CSMD1: variants seen among roughly 807,000 people sequenced by gnomAD.
CSMD1 encodes the protein CUB and sushi domain-containing protein 1.
A neutral mutation model predicts 417.5 loss-of-function variants in CSMD1; 213 were observed. The observed-to-expected ratio is 0.51, with a 90% CI of 0.46 to 0.57. CSMD1 has a LOEUF of 0.57. Ranked by LOEUF, CSMD1 falls within the 20% of genes least tolerant of loss-of-function variation. CSMD1 has a pLI of 0.00. For missense variants in CSMD1, 6,923 were observed against 4,529.7 expected (o/e 1.53, Z -15.17); for synonymous variants, 2,862 against 1,736.8 (o/e 1.65, Z -16.11).
intron 1 of CSMD1, among the ~76,000 whole-genome samples, chr8:4,990,519 A>G (rs559364639): frequency 6.6e-6 from 1 of 152,120 alleles, no homozygotes; most frequent in African/African-American, 2.4e-5. Flanking sequence ...ATGCGCCACC[A>G]CGCCCAGCTA....
chr8:2,999,951 C>T lies in CSMD1; in HGVS notation c.8203+7G>A. The stretch of plus-strand genomic sequence containing the variant: ...TCGATGAATTCGTCCACAAAGAGTG[C>T]ACTTACGGACACAGACAGGCGTTTG... On this transcript the variant is annotated splice_region_variant and intron_variant, in intron 53 of 69. Transcript: ENST00000635120. The T allele has an allele frequency of 1.9e-6, 3 of 1,604,696 alleles. No individual in the cohort carries two copies. The highest frequency in any genetic ancestry group is 1.7e-5 in the Admixed American group (1 of 58,578).
At chr8:3,796,378 ATATATATATC>A in intron 5 of CSMD1, among the ~76,000 whole-genome samples, 6 of 23,418 alleles carry the variant, frequency 2.6e-4, no homozygotes, top group Non-Finnish European at 7.3e-4. Context: ...TCTATCATGT[ATATATATATC>A]TATCATGTAT....
At chr8:4,518,817 A>C (rs1421834220) in intron 2 of CSMD1, among the ~76,000 whole-genome samples, 1 of 152,096 alleles carries the variant, frequency 6.6e-6, no homozygotes, top group Non-Finnish European at 1.5e-5. Context: ...ATTAAAATAA[A>C]ATCTAAGTAA....
chr8:3,917,607 T>A (rs1005376214), intron 5 of CSMD1, among the ~76,000 whole-genome samples: 12 of 27,430 alleles, frequency 4.4e-4, no homozygotes, highest in African/African-American at 1.2e-3. Flanking sequence ...ATTGGCTTCA[T>A]ATTTATATTT....
intron 10 of CSMD1, among the ~76,000 whole-genome samples, chr8:3,537,740 T>A (rs1235655037): frequency 6.6e-6 from 1 of 152,216 alleles, no homozygotes; most frequent in African/African-American, 2.4e-5. Context: ...CAAAAGTTTT[T>A]AACTATTTTA....
At chr8:3,816,679 T>A (rs1411640992) in intron 5 of CSMD1, among the ~76,000 whole-genome samples, 1 of 152,180 alleles carries the variant, frequency 6.6e-6, no homozygotes, top group Non-Finnish European at 1.5e-5. Context: ...AAGATGGATA[T>A]CTCAATTACA....
intron 3 of CSMD1, among the ~76,000 whole-genome samples, chr8:4,186,361 C>T (rs1358704890): frequency 6.6e-6 from 1 of 152,154 alleles, no homozygotes; most frequent in Non-Finnish European, 1.5e-5. Context: ...TGATTCCTAT[C>T]TTCGTGTTGA....
chr8:3,052,386 G>C lies in CSMD1; in HGVS notation c.7660+76C>G, dbSNP rs959032331. 22 of 1,186,326 alleles carry C rather than the reference G, an allele frequency of 1.9e-5. No homozygotes were observed. In the African/African-American group the frequency reaches 3.2e-4, roughly 17 times the overall value. 73.5% of individuals were successfully genotyped at this position (1,186,326 alleles called of 1,614,324 possible). On this transcript the variant is annotated intron_variant, in intron 50 of 69. Coordinates refer to ENST00000635120, the MANE Select transcript of CSMD1 (RefSeq NM_033225.6). ...TGTGGGAGAGGACCTCTGAACGTGGGAACCCGGACTTCTCCCGAAAGCATT... is the reference window on the plus strand; with the variant it reads ...TGTGGGAGAGGACCTCTGAACGTGGCAACCCGGACTTCTCCCGAAAGCATT...
chr8:4,467,272 C>A (rs1585125747), intron 2 of CSMD1, among the ~76,000 whole-genome samples: 1 of 152,126 alleles, frequency 6.6e-6, no homozygotes, highest in Non-Finnish European at 1.5e-5. Context: ...AATTCGTGTT[C>A]AATTAAACCA....
chr8:4,263,128 C>G (rs1294388223), intron 3 of CSMD1, among the ~76,000 whole-genome samples: 1 of 152,028 alleles, frequency 6.6e-6, no homozygotes, highest in Non-Finnish European at 1.5e-5. Context: ...GGTGATATCA[C>G]TTATTTTTTC....
chr8:3,128,993 G>A (rs1301517259), intron 41 of CSMD1: 2 of 377,468 alleles, frequency 5.3e-6, no homozygotes, highest in Non-Finnish European at 1.0e-5. Flanking sequence ...GGAGTTAAGT[G>A]TGAAGCAAAT....
chr8:4,263,069 T>G (rs1044961053), intron 3 of CSMD1, among the ~76,000 whole-genome samples: 4 of 152,160 alleles, frequency 2.6e-5, no homozygotes, highest in African/African-American at 9.7e-5. Context: ...TGAGAACACT[T>G]TTAATGAGAT....
At chr8:4,636,637 A>G (rs1249269765) in intron 2 of CSMD1, among the ~76,000 whole-genome samples, 2 of 152,250 alleles carry the variant, frequency 1.3e-5, no homozygotes, top group African/African-American at 4.8e-5. Context: ...AATTACCTTG[A>G]CAACTCTGTT....
chr8:4,327,926 A>G (rs368102694), intron 3 of CSMD1, among the ~76,000 whole-genome samples: 4 of 152,138 alleles, frequency 2.6e-5, no homozygotes, highest in African/African-American at 7.2e-5. Context: ...TGCTCACCAC[A>G]TAATTGGCAC....
intron 7 of CSMD1, among the ~76,000 whole-genome samples, chr8:3,659,492 G>C (rs149849033): frequency 1.3e-5 from 2 of 152,234 alleles, no homozygotes; most frequent in Admixed American, 1.3e-4. Context: ...GTTTCACTTA[G>C]CCAAGGTCAA....
intron 1 of CSMD1, among the ~76,000 whole-genome samples, chr8:4,926,886 A>G (rs911893620): frequency 3.9e-5 from 6 of 152,138 alleles, no homozygotes; most frequent in Admixed American, 3.3e-4. Context: ...GATTTTTTAT[A>G]TAATGAGCAA....
intron 5 of CSMD1, among the ~76,000 whole-genome samples, chr8:3,973,782 C>G (rs1036156667): frequency 4.6e-5 from 7 of 152,174 alleles, no homozygotes; most frequent in South Asian, 2.1e-4. Context: ...ATTTGAGACA[C>G]AGTATCTATT....
chr8:3,193,536 C>G (rs1413782165), intron 33 of CSMD1, among the ~76,000 whole-genome samples: 2 of 151,910 alleles, frequency 1.3e-5, no homozygotes, highest in Non-Finnish European at 2.9e-5. Flanking sequence ...TCTGGCCCTT[C>G]ACCTGGACAT....
intron 12 of CSMD1, among the ~76,000 whole-genome samples, chr8:3,430,916 C>A (rs1024074384): frequency 1.3e-5 from 2 of 152,166 alleles, no homozygotes; most frequent in Admixed American, 6.5e-5. Flanking sequence ...GGATAATATT[C>A]TAAGCATTGA....
Sources: allele counts gnomAD v4.1 joint callset (sites outside exome capture counted in the v4.1 genomes callset), GRCh38; gene constraint gnomAD v4.1.1; transcripts MANE v1.5; gene names NCBI Gene and HGNC (gene_info 2026-07-23, HGNC 2026-07-21).